ANO4: variants seen among roughly 807,000 people sequenced by gnomAD.
ANO4 encodes the protein anoctamin 4, also known as anoctamin-4.
A neutral mutation model predicts 141.9 loss-of-function variants in ANO4; 69 were observed. The ratio of observed to expected loss-of-function variants is 0.49; its 90% confidence interval spans 0.40 to 0.59. The LOEUF (loss-of-function observed/expected upper bound fraction) is 0.59, where lower values mean the gene tolerates loss of function less well. ANO4 is among the 20% of genes least tolerant of loss of function. The probability of loss-of-function intolerance (pLI) is 0.00; values close to 1 mark genes in which losing one functional copy is unlikely to be tolerated. For missense variants in ANO4, 894 were observed against 1,162.2 expected, an observed-to-expected ratio of 0.77 and a Z score of 3.36; for synonymous variants, 350 against 394.3, an observed-to-expected ratio of 0.89 and a Z score of 1.33.
intron 14 of ANO4, among the ~76,000 whole-genome samples, chr12:101,048,845 T>C (rs760527991): frequency 1.3e-5 from 2 of 152,134 alleles, no homozygotes; most frequent in Non-Finnish European, 1.5e-5. Flanking sequence ...TTTGAGCTTT[T>C]TGATATAATT....
intron 3 of ANO4, among the ~76,000 whole-genome samples, chr12:100,747,612 C>A (rs767538393): frequency 6.6e-6 from 1 of 152,050 alleles, no homozygotes; most frequent in Non-Finnish European, 1.5e-5. Flanking sequence ...TGGTGGCTCA[C>A]GCCTGTAATC....
intron 4 of ANO4, among the ~76,000 whole-genome samples, chr12:100,941,961 A>G (rs1383364136): frequency 5.6e-5 from 3 of 53,516 alleles, no homozygotes; most frequent in Non-Finnish European, 1.0e-4. Flanking sequence ...GAAAAAAATT[A>G]TTATTATTAT....
At chr12:101,029,018 G>T (rs1339099602) in intron 9 of ANO4, among the ~76,000 whole-genome samples, 1 of 152,182 alleles carries the variant, frequency 6.6e-6, no homozygotes, top group Non-Finnish European at 1.5e-5. Context: ...GAGATTGGGG[G>T]CCAGTATTCA....
At chr12:100,730,037 C>T (rs1223185179) in intron 1 of ANO4, among the ~76,000 whole-genome samples, 1 of 150,290 alleles carries the variant, frequency 6.7e-6, no homozygotes, top group Non-Finnish European at 1.5e-5. Context: ...GCTTATAAAT[C>T]TCTCTCTCTC....
At chr12:100,836,056 T>A (rs1166333680) in intron 1 of ANO4, among the ~76,000 whole-genome samples, 2 of 152,116 alleles carry the variant, frequency 1.3e-5, no homozygotes. Flanking sequence ...AAATGCAAAT[T>A]CATTTCTTAT....
chr12:100,824,304 A>G (rs887487655), intron 1 of ANO4, among the ~76,000 whole-genome samples: 4 of 152,036 alleles, frequency 2.6e-5, no homozygotes, highest in Non-Finnish European at 5.9e-5. Context: ...GTAAGAGATC[A>G]ATAAATGTTT....
chr12:101,096,679 G>A, intron 19 of ANO4, 32 bp downstream of exon 19: 2 of 1,527,334 alleles, frequency 1.3e-6, no homozygotes, highest in Non-Finnish European at 1.8e-6. Context: ...ACCTCCCCAA[G>A]CTGAGGACAG....
chr12:100,916,668 A>G (rs139791519), intron 2 of ANO4, among the ~76,000 whole-genome samples: 58 of 152,292 alleles, frequency 3.8e-4, no homozygotes, highest in African/African-American at 1.3e-3. Flanking sequence ...CATATACTAT[A>G]GAAAAGACAA....
rs556357259 is a variant in ANO4, at chr12:101,081,504, G to A, written c.1396-2174G>A. On this transcript the variant is annotated intron_variant, in intron 15 of 27. Transcript: ENST00000392977. ...TCACTCTGCATACCTTTGTACAGGA[G>A]CCTACATACGTAGCCATTCCCAGCT... is the stretch of plus-strand genomic sequence containing the variant. Among the ~76,000 whole-genome samples the A allele has an allele frequency of 4.7e-4, 71 of 152,308 alleles. 1 individual carries two copies. The highest frequency in any genetic ancestry group is 3.4e-3 in the Middle Eastern group (1 of 294).
chr12:100,743,651 AT>A (rs1250486655), intron 3 of ANO4, among the ~76,000 whole-genome samples: 1 of 152,214 alleles, frequency 6.6e-6, no homozygotes, highest in South Asian at 2.1e-4. Context: ...TAAAATGGAA[AT>A]AACTCCTTCT....
chr12:100,857,432 C>T (rs1407454007), intron 1 of ANO4, among the ~76,000 whole-genome samples: 5 of 152,150 alleles, frequency 3.3e-5, no homozygotes, highest in South Asian at 2.1e-4. Context: ...GCTTTACATT[C>T]GTGATCTGAC....
rs902111840 is a variant in ANO4 at position 101,082,573 on chromosome 12, A to G, written c.1396-1105A>G. Among the ~76,000 whole-genome samples, 50 of 152,230 alleles carry G rather than the reference A, an allele frequency of 3.3e-4. 1 individual carries two copies. The highest frequency in any genetic ancestry group is 4.4e-5 in the Non-Finnish European group (3 of 68,038). ...ATCTCCTCAAGTATAACTGCCTAAA[A>G]TAAATGAAAGACAGAGCCTGCTCCT... On this transcript the variant is annotated intron_variant, in intron 15 of 27. Coordinates refer to ENST00000392977, the MANE Select transcript of ANO4 (RefSeq NM_001286615.2).
chr12:100,987,967 C>G (rs917533740), intron 8 of ANO4, among the ~76,000 whole-genome samples: 1 of 152,310 alleles, frequency 6.6e-6, no homozygotes, highest in Admixed American at 6.5e-5. Flanking sequence ...TCTCATTGCT[C>G]TGCCAACTCC....
intron 3 of ANO4, among the ~76,000 whole-genome samples, chr12:100,766,014 A>C (rs1433576702): frequency 1.3e-5 from 2 of 152,024 alleles, no homozygotes; most frequent in East Asian, 3.9e-4. Flanking sequence ...CCTTTGACTA[A>C]TATCTCCCTT....
intron 14 of ANO4, among the ~76,000 whole-genome samples, chr12:101,056,252 T>G (rs1227553421): frequency 6.6e-6 from 1 of 152,218 alleles, no homozygotes; most frequent in East Asian, 1.9e-4. Flanking sequence ...TTTGTTTATT[T>G]ACATATTCTG....
chr12:100,835,881 G>C (rs7299802), intron 1 of ANO4, among the ~76,000 whole-genome samples: 126,340 of 152,028 alleles, frequency 0.83, 52,551 homozygotes, highest in Admixed American at 0.87. Flanking sequence ...AAATTTGGTA[G>C]CCTTATGTAA....
chr12:100,837,240 C>G (rs1387481921), intron 1 of ANO4, among the ~76,000 whole-genome samples: 1 of 152,042 alleles, frequency 6.6e-6, no homozygotes, highest in African/African-American at 2.4e-5. Context: ...GGGCACAGCT[C>G]TAAGAATTTT....
intron 14 of ANO4, chr12:101,068,394 A>C: frequency 1.0e-6 from 1 of 975,170 alleles, no homozygotes. Context: ...GCCAAGATGA[A>C]ATAAGAACTG....
chr12:100,903,882 G>T (rs1177566443), intron 2 of ANO4, among the ~76,000 whole-genome samples: 1 of 152,182 alleles, frequency 6.6e-6, no homozygotes, highest in African/African-American at 2.4e-5. Flanking sequence ...ACTGTAGCCT[G>T]GCCAAGTTGG....
Sources: gnomAD v4.1 joint callset for allele counts (sites outside exome capture counted in the v4.1 genomes callset) on GRCh38, gnomAD v4.1.1 for gene constraint, MANE v1.5 for transcripts, NCBI Gene and HGNC (gene_info 2026-07-23, HGNC 2026-07-21) for gene names.